Variants in SMCR8 observed in about 807,000 individuals in gnomAD.
SMCR8 encodes SMCR8-C9orf72 complex subunit.
SMCR8 carries 30 observed loss-of-function variants against 56.6 expected under a neutral mutation model. The observed-to-expected ratio is 0.53, with a 90% CI of 0.40 to 0.72. The LOEUF is 0.72. SMCR8 is among the 30% of genes least tolerant of loss of function. The pLI is 0.00. For missense variants in SMCR8, 1,198 were observed against 1,157.0 expected (o/e 1.04, Z -0.51); for synonymous variants, 538 against 456.0 (o/e 1.18, Z -2.29).
chr17:18,327,146 G>C lies in SMCR8; in HGVS notation c.*4076G>C, dbSNP rs1178666078. The C allele has an allele frequency of 1.3e-5, 2 of 152,204 alleles. No homozygotes were observed. Among genetic ancestry groups the C allele is most frequent in the Admixed American group, 6.5e-5 (1 of 15,280 alleles). The allele number at this position is 152,204 out of a possible 1,614,324, so 9.4% of individuals were successfully genotyped here. A position where few individuals can be genotyped will look rare whatever the true frequency, so the allele number is the denominator to read the frequency against. On this transcript the variant is annotated 3_prime_UTR_variant, in exon 2 of 2. Coordinates refer to ENST00000406438, the MANE Select transcript of SMCR8 (RefSeq NM_144775.3). ...AGCAAAACCAATCTCAGCTGACAAGGCTGGGCAAACTAAGTTTTCCTGAGC... is the reference window on the plus strand; with the variant it reads ...AGCAAAACCAATCTCAGCTGACAAGCCTGGGCAAACTAAGTTTTCCTGAGC...
In SMCR8 at chr17:18,324,636, G is replaced by T. The variant is rs1031276548; in HGVS notation, c.*1566G>T. ...CTTCTCTTCTCATCAAGGAGGCAGA[G>T]ACCCCTGGTGGAAGCCAAGAGTGAC... On this transcript the variant is annotated 3_prime_UTR_variant, in exon 2 of 2. Transcript: ENST00000406438. 2.0e-5 allele frequency: 3 copies of T among 152,306 alleles called. No homozygotes were observed. The highest frequency in any genetic ancestry group is 7.2e-5 in the African/African-American group (3 of 41,468). The allele number at this position is 152,306 out of a possible 1,614,324, so 9.4% of individuals were successfully genotyped here.
In SMCR8 at chr17:18,317,475, T is replaced by C; in HGVS notation, c.1686T>C (p.Ser562=). 1 of 1,613,994 alleles carries C rather than the reference T, an allele frequency of 6.2e-7. No individual in the cohort carries two copies. Among genetic ancestry groups the C allele is most frequent in the East Asian group, 2.2e-5 (1 of 44,880 alleles). The change falls in exon 1 of 2, where the codon AGT becomes AGC. Residue 562 remains serine, a synonymous_variant. Coordinates refer to ENST00000406438, the MANE Select transcript of SMCR8 (RefSeq NM_144775.3). ...EGAIRFQASI[S]PPELGETEEG... The stretch of plus-strand genomic sequence containing the variant: ...CCATCCGCTTCCAGGCAAGCATCAG[T>C]CCTCCAGAACTGGGTGAGACAGAGG...
rs115576594 is a variant in SMCR8, at chr17:18,323,135, T to A, written c.*65T>A. 1.6e-3 allele frequency: 2,248 copies of A among 1,417,014 alleles called. 32 individuals carry two copies. In the African/African-American group the frequency reaches 0.024, roughly 15 times the overall value. 87.8% of individuals were successfully genotyped at this position (1,417,014 alleles called of 1,614,324 possible). ...GGTATGGGGAGGGGAGGGGTTGGCATGACCAAACAGTTGCCTGAGCTGGAC... is the reference window on the plus strand; with the variant it reads ...GGTATGGGGAGGGGAGGGGTTGGCAAGACCAAACAGTTGCCTGAGCTGGAC... On this transcript the variant is annotated 3_prime_UTR_variant, in exon 2 of 2. Transcript: ENST00000406438.
Position 18,325,703 on chromosome 17 carries a change from C to T in SMCR8, c.*2633C>T, listed in dbSNP as rs1982630123. 6.6e-6 allele frequency: 1 copy of T among 152,254 alleles called. No homozygotes were observed. Among genetic ancestry groups the T allele is most frequent in the African/African-American group, 2.4e-5 (1 of 41,448 alleles). 9.4% of individuals were successfully genotyped at this position (152,254 alleles called of 1,614,324 possible). ...TCACTCCGGGGAACTGAAACCTACTCTGAGTCTCACATCTCTAAACCTCAG... is the reference window on the plus strand; with the variant it reads ...TCACTCCGGGGAACTGAAACCTACTTTGAGTCTCACATCTCTAAACCTCAG... On this transcript the variant is annotated 3_prime_UTR_variant, in exon 2 of 2. Coordinates refer to ENST00000406438, the MANE Select transcript of SMCR8 (RefSeq NM_144775.3).
At chr17:18,321,855 T>C (rs953078495) in intron 1 of SMCR8, among the ~76,000 whole-genome samples, 1 of 152,140 alleles carries the variant, frequency 6.6e-6, no homozygotes, top group African/African-American at 2.4e-5. Context: ...ACAGTAGGAA[T>C]GTTATCTCCA....
Position 18,326,694 on chromosome 17 carries a change from C to T in SMCR8, c.*3624C>T, listed in dbSNP as rs1982666465. On this transcript the variant is annotated 3_prime_UTR_variant, in exon 2 of 2. Transcript: ENST00000406438. ...AGGAAGGCCCACCAATTTCATTTCA[C>T]GCGCCAGGGCGGCTGCAGTTGGAGG... 6.6e-6 allele frequency: 1 copy of T among 152,308 alleles called. No individual in the cohort carries two copies. Among genetic ancestry groups the T allele is most frequent in the Non-Finnish European group, 1.5e-5 (1 of 68,070 alleles). The allele number at this position is 152,308 out of a possible 1,614,324, so 9.4% of individuals were successfully genotyped here. A position where few individuals can be genotyped will look rare whatever the true frequency, so the allele number is the denominator to read the frequency against.
At position 18,322,918 on chromosome 17, in the gene SMCR8, C is replaced by T; in HGVS notation, c.2662C>T (p.Leu888=). 6.2e-7 allele frequency: 1 copy of T among 1,614,200 alleles called. No homozygotes were observed. Among genetic ancestry groups the T allele is most frequent in the East Asian group, 2.2e-5 (1 of 44,880 alleles). Residue 888 remains leucine (L), a synonymous_variant, in exon 2 of 2, where the codon CTA becomes TTA. Coordinates refer to ENST00000406438, the MANE Select transcript of SMCR8 (RefSeq NM_144775.3). ...GGTAGCCAGCCGCCAGATGAGCTTC[C>T]TAAAGCTGACCCTGGGTCTGGTGAA... ...ELVASRQMSF[L]KLTLGLVNED...
intron 1 of SMCR8, among the ~76,000 whole-genome samples, chr17:18,321,341 T>A (rs1296587523): frequency 6.6e-6 from 1 of 152,138 alleles, no homozygotes; most frequent in East Asian, 1.9e-4. Context: ...ATTGGGGGCA[T>A]GAGACCAGAT....
Position 18,317,069 on chromosome 17 carries a change from T to C in SMCR8, c.1280T>C (p.Ile427Thr). ...AAGTCCAGTGTGGAGTCTGTGTTGA[T>C]CAAGATGGAGCAGGAACTGGGAGAT... ...SYKSSVESVLIKMEQELGDEE... is the reference protein window; with the variant it reads ...SYKSSVESVLTKMEQELGDEE... The change falls in exon 1 of 2, where the codon ATC becomes ACC. Residue 427 changes from isoleucine (I) to threonine (T), a missense_variant. Physicochemically the swap from Ile to Thr is moderately conservative, Grantham distance 89 (BLOSUM62 -1). Transcript: ENST00000406438. 1.2e-6 allele frequency: 2 copies of C among 1,614,100 alleles called. No individual in the cohort carries two copies. Among genetic ancestry groups the C allele is most frequent in the Non-Finnish European group, 1.7e-6 (2 of 1,180,030 alleles).
In SMCR8 at chr17:18,322,905, C is replaced by T; in HGVS notation, c.2649C>T (p.Arg883=). 6.2e-7 allele frequency: 1 copy of T among 1,614,190 alleles called. No individual in the cohort carries two copies. Among genetic ancestry groups the T allele is most frequent in the East Asian group, 2.2e-5 (1 of 44,882 alleles). The change falls in exon 2 of 2, where the codon CGC becomes CGT. Residue 883 remains arginine, a synonymous_variant. Coordinates refer to ENST00000406438, the MANE Select transcript of SMCR8 (RefSeq NM_144775.3). The part of the protein sequence containing the change: ...DKETEELVAS[R]QMSFLKLTLG... ...AGACAGAGGAGCTGGTAGCCAGCCG[C>T]CAGATGAGCTTCCTAAAGCTGACCC...
chr17:18,318,136 A>G lies in SMCR8; in HGVS notation c.2347A>G (p.Ile783Val). The change falls in exon 1 of 2, where the codon ATT (isoleucine) becomes GTT (valine). Residue 783 changes from isoleucine to valine, a missense_variant. Physicochemically the swap from Ile to Val is conservative, Grantham distance 29. Coordinates refer to ENST00000406438, the MANE Select transcript of SMCR8 (RefSeq NM_144775.3). Reference sequence around the variant, plus strand: ...TATGGATTTTCAGAAGTGGAAGCTTATTGGCTTGCAGAGGTAACTGGTTCC... The same window carrying G: ...TATGGATTTTCAGAAGTGGAAGCTTGTTGGCTTGCAGAGGTAACTGGTTCC... ...HIMDFQKWKL[I>V]GLQRVASPAG... 2.5e-6 allele frequency: 4 copies of G among 1,612,070 alleles called. No homozygotes were observed. The highest frequency in any genetic ancestry group is 3.4e-6 in the Non-Finnish European group (4 of 1,178,242).
In SMCR8 at chr17:18,327,864, T is replaced by C. The variant is rs1408690039; in HGVS notation, c.*4794T>C. The C allele has an allele frequency of 6.6e-6, 1 of 152,586 alleles. No homozygotes were observed. Among genetic ancestry groups the C allele is most frequent in the Non-Finnish European group, 1.5e-5 (1 of 68,038 alleles). The allele number at this position is 152,586 out of a possible 1,614,324, so 9.5% of individuals were successfully genotyped here. A position where few individuals can be genotyped will look rare whatever the true frequency, so the allele number is the denominator to read the frequency against. The stretch of plus-strand genomic sequence containing the variant: ...CAGAGTCAATGCCAAACACATAGTA[T>C]GAGAAGTGTACTTTTTAAGAAATTA... On this transcript the variant is annotated 3_prime_UTR_variant, in exon 2 of 2. Transcript: ENST00000406438.
Position 18,323,190 on chromosome 17 carries a change from G to A in SMCR8, c.*120G>A. On this transcript the variant is annotated 3_prime_UTR_variant, in exon 2 of 2. Coordinates refer to ENST00000406438, the MANE Select transcript of SMCR8 (RefSeq NM_144775.3). ...TAAGTTTCTGGTGTCTGGCAGCATG[G>A]TTCCCACGTGGCTCCTAGTAGTTTT... The A allele has an allele frequency of 1.2e-6, 1 of 866,400 alleles. No homozygotes were observed. Among genetic ancestry groups the A allele is most frequent in the Non-Finnish European group, 1.8e-6 (1 of 566,174 alleles). 53.7% of individuals were successfully genotyped at this position (866,400 alleles called of 1,614,324 possible).
intron 1 of SMCR8, among the ~76,000 whole-genome samples, chr17:18,321,057 C>G (rs1186909704): frequency 1.3e-5 from 2 of 152,160 alleles, no homozygotes; most frequent in Non-Finnish European, 2.9e-5. Flanking sequence ...GTGTTAGCTC[C>G]CAGGTCAATG....
rs975924869 is a variant in SMCR8 at position 18,316,312 on chromosome 17, G to A, written c.523G>A (p.Glu175Lys). 23 of 1,614,084 alleles carry A rather than the reference G, an allele frequency of 1.4e-5. No individual in the cohort carries two copies. Among genetic ancestry groups the A allele is most frequent in the Non-Finnish European group, 1.9e-5 (23 of 1,180,034 alleles). ...GCAGCAGTTCCAGGAGCTTTCAGCC[G>A]AATTTTCCAGAGCTTCTGAGTGCTT... is the stretch of plus-strand genomic sequence containing the variant. ...IMQQFQELSA[E>K]FSRASECLKT... Residue 175 changes from glutamate (E) to lysine (K), a missense_variant, in exon 1 of 2, where the codon GAA becomes AAA. Physicochemically the swap from Glu to Lys is moderately conservative, Grantham distance 56. Coordinates refer to ENST00000406438, the MANE Select transcript of SMCR8 (RefSeq NM_144775.3).
chr17:18,319,808 C>T (rs1214221484), intron 1 of SMCR8, among the ~76,000 whole-genome samples: 1 of 152,206 alleles, frequency 6.6e-6, no homozygotes, highest in Non-Finnish European at 1.5e-5. Context: ...GCAGCCTCTG[C>T]TTCCTAGGCT....
chr17:18,323,537 C>T lies in SMCR8; in HGVS notation c.*467C>T, dbSNP rs138054068. 5.2e-5 allele frequency: 9 copies of T among 171,702 alleles called. No homozygotes were observed. The highest frequency in any genetic ancestry group is 3.8e-4 in the Admixed American group (7 of 18,494). The allele number at this position is 171,702 out of a possible 1,614,324, so 10.6% of individuals were successfully genotyped here. ...GAAAACAGGAGGGCAGAACACCCAT[C>T]GCCTCCTTCAGACCCAGATGCAGCC... On this transcript the variant is annotated 3_prime_UTR_variant, in exon 2 of 2. Transcript: ENST00000406438.
chr17:18,319,363 C>G (rs866068620), intron 1 of SMCR8, among the ~76,000 whole-genome samples: 1 of 152,110 alleles, frequency 6.6e-6, no homozygotes, highest in African/African-American at 2.4e-5. Flanking sequence ...AGGGTGGAAC[C>G]GGCACCGACA....
rs1240370409 is a variant in SMCR8 at position 18,315,556 on chromosome 17, G to C, written c.-234G>C. On this transcript the variant is annotated 5_prime_UTR_variant, in exon 1 of 2. Coordinates refer to ENST00000406438, the MANE Select transcript of SMCR8 (RefSeq NM_144775.3). ...AGAAGAGAAGGGCAGTTGGGCCTGC[G>C]GCCTTGGCGTTCATGAGGCCTCAGA... is the stretch of plus-strand genomic sequence containing the variant. 1 of 478,472 alleles carries C rather than the reference G, an allele frequency of 2.1e-6. No individual in the cohort carries two copies. Among genetic ancestry groups the C allele is most frequent in the Non-Finnish European group, 3.7e-6 (1 of 271,250 alleles). The allele number at this position is 478,472 out of a possible 1,614,324, so 29.6% of individuals were successfully genotyped here. A position where few individuals can be genotyped will look rare whatever the true frequency, so the allele number is the denominator to read the frequency against.
Sources: gnomAD v4.1 joint callset for allele counts (sites outside exome capture counted in the v4.1 genomes callset) on GRCh38, gnomAD v4.1.1 for gene constraint, MANE v1.5 for transcripts, NCBI Gene and HGNC (gene_info 2026-07-23, HGNC 2026-07-21) for gene names.